The following LYPD6 variants were observed in gnomAD, a reference collection of about 807,000 sequenced individuals.
LYPD6 encodes LY6/PLAUR domain containing 6.
A neutral mutation model predicts 22.7 loss-of-function variants in LYPD6; 15 were observed. The observed-to-expected ratio is 0.66, with a 90% CI of 0.44 to 1.02. The LOEUF (loss-of-function observed/expected upper bound fraction) is 1.02. Ranked by LOEUF, LYPD6 falls within the 50% of genes least tolerant of loss-of-function variation. The pLI is 0.00. For synonymous variants in LYPD6, 72 were observed against 77.5 expected (o/e 0.93, Z 0.37); for missense variants, 189 against 208.4 (o/e 0.91, Z 0.57).
At chr2:149,455,259 T>C (rs1404384437) in intron 3 of LYPD6, among the ~76,000 whole-genome samples, 3 of 83,534 alleles carry the variant, frequency 3.6e-5, no homozygotes, top group African/African-American at 2.1e-4. Context: ...TCTAGCAAGT[T>C]TTTTTTTTTT....
At chr2:149,350,862 A>G (rs763674650) in intron 1 of LYPD6, among the ~76,000 whole-genome samples, 23 of 152,334 alleles carry the variant, frequency 1.5e-4, no homozygotes, top group Middle Eastern at 3.4e-3. Flanking sequence ...AGATGCCCAC[A>G]CTACCCTTGC....
At chr2:149,465,015 A>G (rs569634230) in intron 3 of LYPD6, among the ~76,000 whole-genome samples, 1 of 152,140 alleles carries the variant, frequency 6.6e-6, no homozygotes, top group Non-Finnish European at 1.5e-5. Flanking sequence ...TCCAGAAAAT[A>G]GTTGGTAATT....
chr2:149,466,492 A>G (rs2105180048), intron 3 of LYPD6, among the ~76,000 whole-genome samples: 1 of 152,110 alleles, frequency 6.6e-6, no homozygotes, highest in South Asian at 2.1e-4. Context: ...TCTCCCTTCT[A>G]CCCCCAGAAT....
chr2:149,402,071 A>T (rs1344882543), intron 1 of LYPD6, among the ~76,000 whole-genome samples: 1 of 152,046 alleles, frequency 6.6e-6, no homozygotes, highest in Non-Finnish European at 1.5e-5. Flanking sequence ...GCAAACCACC[A>T]TGGCACATGT....
chr2:149,347,640 T>C (rs752289132), intron 1 of LYPD6, among the ~76,000 whole-genome samples: 67 of 152,338 alleles, frequency 4.4e-4, no homozygotes, highest in Non-Finnish European at 3.5e-4. Flanking sequence ...CTTTTTCATA[T>C]TTTTTGAGTG....
chr2:149,368,281 T>G (rs566332749), intron 1 of LYPD6: 1 of 152,320 alleles, frequency 6.6e-6, no homozygotes, highest in South Asian at 2.1e-4. Context: ...GAGTATTAGG[T>G]ATAAAGGTTT....
In LYPD6 at chr2:149,444,654, C is replaced by CT. The variant is rs1040468740; in HGVS notation, c.119-4385dup. Reference sequence around the variant, plus strand: ...GAGTAGATTCCATCTCAAGAAACGGCTTTTTTTTTTGCTCGTTCATAAGAA... The same window carrying CT: ...GAGTAGATTCCATCTCAAGAAACGGCTTTTTTTTTTTGCTCGTTCATAAGAA... On this transcript the variant is annotated intron_variant, in intron 2 of 4. Transcript: ENST00000334166. Among the ~76,000 whole-genome samples, 1,162 of 148,312 alleles carry CT rather than the reference C, an allele frequency of 7.8e-3. 12 individuals carry two copies. Among genetic ancestry groups the CT allele is most frequent in the African/African-American group, 0.024 (960 of 40,540 alleles).
intron 3 of LYPD6, among the ~76,000 whole-genome samples, chr2:149,457,779 A>G (rs572247325): frequency 2.2e-4 from 33 of 152,336 alleles, no homozygotes; most frequent in African/African-American, 7.7e-4. Flanking sequence ...AATTCTGAAC[A>G]TTATTTATTA....
chr2:149,449,160 T>C lies in LYPD6; in HGVS notation c.217+13T>C. 1.3e-6 allele frequency: 2 copies of C among 1,597,194 alleles called. No individual in the cohort carries two copies. Among genetic ancestry groups the C allele is most frequent in the Non-Finnish European group, 1.7e-6 (2 of 1,166,858 alleles). ...TACTGCCCTCGAGGTAAACTCTCAGTAGACTGATTGGGGTCCCCTGGGCTG... is the reference window on the plus strand; with the variant it reads ...TACTGCCCTCGAGGTAAACTCTCAGCAGACTGATTGGGGTCCCCTGGGCTG... On this transcript the variant is annotated intron_variant, in intron 3 of 4. Coordinates refer to ENST00000334166, the MANE Select transcript of LYPD6 (RefSeq NM_194317.5).
chr2:149,398,888 C>T (rs930403087), intron 1 of LYPD6, among the ~76,000 whole-genome samples: 12 of 151,858 alleles, frequency 7.9e-5, no homozygotes, highest in Admixed American at 3.3e-4. Flanking sequence ...AGAATTTAAA[C>T]GAGTAGTTTA....
intron 1 of LYPD6, among the ~76,000 whole-genome samples, chr2:149,415,216 G>A (rs1006123553): frequency 6.6e-6 from 1 of 152,204 alleles, no homozygotes; most frequent in African/African-American, 2.4e-5. Context: ...GTGCTCCACA[G>A]TCAGGCAGAT....
the LYPD6 span, among the ~76,000 whole-genome samples, chr2:149,479,574 CT>C: frequency 6.6e-6 from 1 of 152,218 alleles, no homozygotes; most frequent in African/African-American, 2.4e-5. Flanking sequence ...TTGACATCAT[CT>C]GGTTGTGTGG....
At chr2:149,365,866 G>T (rs1289053089) in intron 1 of LYPD6, among the ~76,000 whole-genome samples, 1 of 152,118 alleles carries the variant, frequency 6.6e-6, no homozygotes, top group South Asian at 2.1e-4. Context: ...TTAATCTTGG[G>T]AGTTCAAAAA....
Position 149,430,425 on chromosome 2 carries a change from A to G in LYPD6, c.-71-7213A>G, listed in dbSNP as rs116346643. ...CCCAGACAAGTTTTTAAAGCAGGGC[A>G]TATCTTGAGCAATTCCCAAATTGCA... On this transcript the variant is annotated intron_variant, in intron 1 of 4. Coordinates refer to ENST00000334166, the MANE Select transcript of LYPD6 (RefSeq NM_194317.5). Among the ~76,000 whole-genome samples, 293 of 152,276 alleles carry G rather than the reference A, an allele frequency of 1.9e-3. 1 individual carries two copies. The highest frequency in any genetic ancestry group is 6.8e-3 in the African/African-American group (281 of 41,580).
chr2:149,485,187 AG>A, the LYPD6 span, among the ~76,000 whole-genome samples: 1 of 152,194 alleles, frequency 6.6e-6, no homozygotes. Flanking sequence ...GAGATGGAGA[AG>A]GGGAGGGCAT....
chr2:149,395,281 A>G (rs1682405519), intron 1 of LYPD6, among the ~76,000 whole-genome samples: 1 of 152,098 alleles, frequency 6.6e-6, no homozygotes, highest in South Asian at 2.1e-4. Flanking sequence ...TTTTCATTTT[A>G]GTGGATTTAA....
chr2:149,468,894 T>A, intron 4 of LYPD6, 119 bp downstream of exon 4: 1 of 1,095,310 alleles, frequency 9.1e-7, no homozygotes, highest in Non-Finnish European at 1.3e-6. Context: ...TGATTGTCTT[T>A]ATGCTCTATG....
intron 1 of LYPD6, among the ~76,000 whole-genome samples, chr2:149,398,125 A>G (rs2105105496): frequency 6.6e-6 from 1 of 152,282 alleles, no homozygotes; most frequent in East Asian, 1.9e-4. Flanking sequence ...GGATTGATAG[A>G]AGTCTTTTAT....
rs867944801 is a variant in LYPD6 at position 149,354,397 on chromosome 2, G to A, written c.-72+23675G>A. On this transcript the variant is annotated intron_variant, in intron 1 of 4. Transcript: ENST00000334166. ...TAATTTTTGTATTTTTAGTAGAGAC[G>A]GGGTTTTACCATGTTGGCCAGGCTG... 3.3e-5 allele frequency among the ~76,000 whole-genome samples: 5 copies of A among 152,114 alleles called. No homozygotes were observed. In the South Asian group the frequency reaches 1.0e-3, roughly 32 times the overall value.
Sources: gnomAD v4.1 joint callset for allele counts (sites outside exome capture counted in the v4.1 genomes callset) on GRCh38, gnomAD v4.1.1 for gene constraint, MANE v1.5 for transcripts, NCBI Gene and HGNC (gene_info 2026-07-23, HGNC 2026-07-21) for gene names.